Variants in SORD observed in about 807,000 individuals in gnomAD.
SORD encodes the protein (R,R)-butanediol dehydrogenase.
A neutral mutation model predicts 35.6 loss-of-function variants in SORD; 18 were observed. That is an observed-to-expected ratio of 0.51 (90% confidence interval 0.35 to 0.75). SORD has a LOEUF of 0.75. Among genes scored for constraint, SORD ranks in the 30% least tolerant of loss-of-function variants. The probability of loss-of-function intolerance (pLI) is 0.01; values close to 1 mark genes in which losing one functional copy is unlikely to be tolerated. For synonymous variants in SORD, 106 were observed against 152.9 expected, an observed-to-expected ratio of 0.69 and a Z score of 2.26; for missense variants, 250 against 390.2, an observed-to-expected ratio of 0.64 and a Z score of 3.03.
rs1282498687 is a variant in SORD, at chr15:45,044,730, G to A, written c.265+1309G>A. ...TTTTTTTTTTTTTTGACGGAGTCTC[G>A]CTCTGTCACCCAGGCTGGAGTGCAG... On this transcript the variant is annotated intron_variant, in intron 3 of 8. Transcript: ENST00000267814. Among the ~76,000 whole-genome samples the A allele has an allele frequency of 6.4e-5, 9 of 140,418 alleles. No individual in the cohort carries two copies. In the South Asian group the frequency reaches 1.3e-3, roughly 21 times the overall value. 92.1% of individuals were successfully genotyped at this position (140,418 alleles called of 152,430 possible).
intron 1 of SORD, among the ~76,000 whole-genome samples, chr15:45,035,225 C>T (rs1892844052): frequency 6.6e-6 from 1 of 152,150 alleles, no homozygotes; most frequent in Non-Finnish European, 1.5e-5. Flanking sequence ...TGTGGGCGCA[C>T]GGTGCGGGAC....
At chr15:45,026,484 C>G (rs1028706464) in intron 1 of SORD, among the ~76,000 whole-genome samples, 4 of 152,122 alleles carry the variant, frequency 2.6e-5, no homozygotes, top group African/African-American at 9.7e-5. Flanking sequence ...CCACCAGCCA[C>G]AGATTAAAAA....
chr15:45,029,530 G>T (rs1892736321), intron 1 of SORD, among the ~76,000 whole-genome samples: 1 of 152,256 alleles, frequency 6.6e-6, no homozygotes, highest in Non-Finnish European at 1.5e-5. Context: ...TGACCCTGAA[G>T]CCCCAGAGGG....
At chr15:45,034,867 C>T (rs1323721546) in intron 1 of SORD, among the ~76,000 whole-genome samples, 1 of 152,220 alleles carries the variant, frequency 6.6e-6, no homozygotes, top group Admixed American at 6.5e-5. Flanking sequence ...GGCTTCGCGC[C>T]GCGCTTGCGG....
intron 3 of SORD, among the ~76,000 whole-genome samples, chr15:45,056,962 A>G (rs1351118867): frequency 1.3e-5 from 2 of 152,220 alleles, no homozygotes; most frequent in Non-Finnish European, 2.9e-5. Flanking sequence ...AACCATGCAT[A>G]TCTGTGGAAT....
intron 4 of SORD, among the ~76,000 whole-genome samples, chr15:45,062,409 C>T (rs200422619): frequency 3.9e-5 from 6 of 152,336 alleles, no homozygotes; most frequent in East Asian, 1.9e-4. Context: ...TCTAGGGTGC[C>T]GAAGTGCCGC....
At chr15:45,044,235 A>ACAGC (rs1235738392) in intron 3 of SORD, among the ~76,000 whole-genome samples, 1 of 152,218 alleles carries the variant, frequency 6.6e-6, no homozygotes. Flanking sequence ...ATAGCTTCCA[A>ACAGC]CAGCCACTGA....
intron 1 of SORD, among the ~76,000 whole-genome samples, chr15:45,038,272 TGCA>T (rs1892906715): frequency 6.6e-6 from 1 of 152,112 alleles, no homozygotes; most frequent in African/African-American, 2.4e-5. Flanking sequence ...CTGCTTTGGA[TGCA>T]GCTCCACCAT....
At chr15:45,063,247 T>G (rs1311142065) in intron 4 of SORD, among the ~76,000 whole-genome samples, 2 of 151,898 alleles carry the variant, frequency 1.3e-5, no homozygotes, top group Admixed American at 6.6e-5. Context: ...AGCCTCTTTA[T>G]TTTTGTATCT....
chr15:45,069,300 G>C (rs1333344869), intron 7 of SORD, among the ~76,000 whole-genome samples: 1 of 142,246 alleles, frequency 7.0e-6, no homozygotes, highest in African/African-American at 2.6e-5. Context: ...TCCGCCTCCT[G>C]GGTTCACGCC....
chr15:45,049,158 T>G (rs1893089784), intron 3 of SORD, among the ~76,000 whole-genome samples: 1 of 152,218 alleles, frequency 6.6e-6, no homozygotes, highest in Admixed American at 6.5e-5. Context: ...GCTTGATTTT[T>G]CCAGGCTGCT....
chr15:45,030,490 T>C (rs1052047998), intron 1 of SORD, among the ~76,000 whole-genome samples: 1 of 152,246 alleles, frequency 6.6e-6, no homozygotes, highest in Non-Finnish European at 1.5e-5. Context: ...GGAAAATACA[T>C]TCAAATTTTG....
intron 8 of SORD, among the ~76,000 whole-genome samples, 169 bp from the exon 9 acceptor site, chr15:45,073,196 T>C (rs2141129645): frequency 7.7e-6 from 1 of 129,186 alleles, no homozygotes; most frequent in Middle Eastern, 3.5e-3. Flanking sequence ...TCTGTACCCC[T>C]GAATCATAAG....
At chr15:45,056,117 A>C (rs1368242387) in intron 3 of SORD, among the ~76,000 whole-genome samples, 1 of 148,984 alleles carries the variant, frequency 6.7e-6, no homozygotes, top group African/African-American at 2.5e-5. Flanking sequence ...CCTATTCAAC[A>C]TAGTGTTGGA....
rs200121839 is a variant in SORD at position 45,061,168 on chromosome 15, C to G, written c.367C>G (p.Pro123Ala). Residue 123 changes from proline to alanine, a missense_variant, in exon 4 of 9, where the codon CCC becomes GCC. This residue lies in a region of SORD where 126 missense variants were observed against 148.7 expected (regional missense o/e 0.85). Transcript: ENST00000267814. Reference protein sequence around the residue: ...LSPSIFFCATPPDDGNLCRFY... With the variant: ...LSPSIFFCATAPDDGNLCRFY... The stretch of plus-strand genomic sequence containing the variant: ...ACCTTCCATCTTCTTCTGTGCCACG[C>G]CCCCCGATGACGGGAACCTCTGCCG... 1.2e-5 allele frequency: 20 copies of G among 1,613,842 alleles called. No individual in the cohort carries two copies. The highest frequency in any genetic ancestry group is 8.9e-5 in the East Asian group (4 of 44,890).
intron 1 of SORD, among the ~76,000 whole-genome samples, chr15:45,024,978 A>G: frequency 6.6e-6 from 1 of 152,248 alleles, no homozygotes; most frequent in Non-Finnish European, 1.5e-5. Flanking sequence ...GTTCTCCTTC[A>G]TCTTACCTCA....
At chr15:45,041,787 C>T (rs1892969724) in intron 2 of SORD, 1 of 152,194 alleles carries the variant, frequency 6.6e-6, no homozygotes, top group Non-Finnish European at 1.5e-5. Context: ...CCTGAAGCAG[C>T]ATTCTGCTTG....
At chr15:45,051,762 C>T (rs1032868359) in intron 3 of SORD, among the ~76,000 whole-genome samples, 1 of 152,182 alleles carries the variant, frequency 6.6e-6, no homozygotes, top group African/African-American at 2.4e-5. Context: ...TCTATCAAAT[C>T]TTACCCAGTT....
In SORD at chr15:45,023,295, G is replaced by A. The variant is rs1367272219; in HGVS notation, c.12G>A (p.Ala4=). The change falls in exon 1 of 9, where the codon GCG becomes GCA. Residue 4 remains alanine (A), a synonymous_variant. Coordinates refer to ENST00000267814, the MANE Select transcript of SORD (RefSeq NM_003104.6). ...GCCAAAAGAGCTCCATGGCGGCGGC[G>A]GCCAAGCCCAACAACCTTTCCCTGG... is the stretch of plus-strand genomic sequence containing the variant. MAA[A]AKPNNLSLVV... is the part of the protein sequence containing the mutation. 6.3e-7 allele frequency: 1 copy of A among 1,586,046 alleles called. No homozygotes were observed. Among genetic ancestry groups the A allele is most frequent in the Non-Finnish European group, 8.6e-7 (1 of 1,167,950 alleles).
Sources: gnomAD v4.1 joint callset for allele counts (sites outside exome capture counted in the v4.1 genomes callset) on GRCh38, gnomAD v4.1.1 for gene constraint, gnomAD v4.1.1 regional missense constraint, MANE v1.5 for transcripts, NCBI Gene and HGNC (gene_info 2026-07-23, HGNC 2026-07-21) for gene names.